The following GTSF1L variants were observed in gnomAD, a reference collection of about 807,000 sequenced individuals.
GTSF1L encodes gametocyte-specific factor 1-like.
Under a neutral mutation model 1.1 loss-of-function variants are expected in GTSF1L, and 1 was observed. The ratio of observed to expected loss-of-function variants is 0.90; its 90% CI spans 0.32 to 4.28. GTSF1L has a LOEUF of 4.28. GTSF1L is among the 30% of genes most tolerant of loss of function. The probability of loss-of-function intolerance (pLI) is 0.17; values close to 1 mark genes in which losing one functional copy is unlikely to be tolerated. For synonymous variants in GTSF1L, 62 were observed against 69.3 expected (o/e 0.89, Z 0.53); for missense variants, 169 against 181.9 (o/e 0.93, Z 0.41).
At position 43,726,253 on chromosome 20, in the gene GTSF1L, G is replaced by C. The variant is rs778074370; in HGVS notation, c.442C>G (p.Gln148Glu). 51 of 1,608,080 alleles carry C rather than the reference G, an allele frequency of 3.2e-5. No homozygotes were observed. Among genetic ancestry groups the C allele is most frequent in the Non-Finnish European group, 4.3e-5 (50 of 1,175,652 alleles). ...TSPQKILRPG[Q>E] is the part of the protein sequence containing the mutation. The stretch of plus-strand genomic sequence containing the variant: ...CTCCTTCCTCAGCTGGCAGTTTACT[G>C]TCCTGGTCTGAGGATCTTCTGGGGA... The change falls in exon 1 of 1, where the codon CAG (glutamine) becomes GAG (glutamate). Residue 148 changes from glutamine to glutamate, a missense_variant. Coordinates refer to ENST00000373003, the MANE Select transcript of GTSF1L (RefSeq NM_176791.4).
In GTSF1L at chr20:43,726,192, C is replaced by G; in HGVS notation, c.*56G>C. 8.0e-7 allele frequency: 1 copy of G among 1,243,654 alleles called. No individual in the cohort carries two copies. The highest frequency in any genetic ancestry group is 1.1e-6 in the Non-Finnish European group (1 of 876,074). 77.0% of individuals were successfully genotyped at this position (1,243,654 alleles called of 1,614,324 possible). A position where few individuals can be genotyped will look rare whatever the true frequency, so the allele number is the denominator to read the frequency against. On this transcript the variant is annotated 3_prime_UTR_variant, in exon 1 of 1. Transcript: ENST00000373003. ...ACTTTGCATGTCTTTTATTCTGATGCATTGCACGTTCTTCCATGCATTGAT... is the reference window on the plus strand; with the variant it reads ...ACTTTGCATGTCTTTTATTCTGATGGATTGCACGTTCTTCCATGCATTGAT...
rs148860791 is a variant in GTSF1L, at chr20:43,726,362, G to C, written c.333C>G (p.Cys111Trp). The change falls in exon 1 of 1, where the codon TGC becomes TGG. Residue 111 changes from cysteine to tryptophan, a missense_variant. Transcript: ENST00000373003. The stretch of plus-strand genomic sequence containing the variant: ...AAGTCTTAAGGACAAACACATGCTG[G>C]CAATTAGCGCCATCGACATTCCAGA... ...PDIWNVDGAN[C>W]QHVFVLKTFF... The C allele has an allele frequency of 4.9e-4, 795 of 1,614,094 alleles. 3 individuals are homozygous for C. Among genetic ancestry groups the C allele is most frequent in the Middle Eastern group, 2.6e-3 (16 of 6,062 alleles).
Position 43,726,417 on chromosome 20 carries a change from T to A in GTSF1L, c.278A>T (p.Gln93Leu). 6.2e-7 allele frequency: 1 copy of A among 1,614,034 alleles called. No individual in the cohort carries two copies. Among genetic ancestry groups the A allele is most frequent in the South Asian group, 1.1e-5 (1 of 91,074 alleles). Residue 93 changes from glutamine (Q) to leucine (L), a missense_variant, in exon 1 of 1, where the codon CAG (glutamine) becomes CTG (leucine). Transcript: ENST00000373003. Reference sequence around the variant, plus strand: ...GGGGCTGGGAAGGCAGGGTGAGACCTGCTGGGTGTCATCGTTCTGCTCTGA... The same window carrying A: ...GGGGCTGGGAAGGCAGGGTGAGACCAGCTGGGTGTCATCGTTCTGCTCTGA... ...PSSEQNDDTQ[Q>L]VSPCLPSPDI...
Position 43,726,666 on chromosome 20 carries a change from G to A in GTSF1L, c.29C>T (p.Pro10Leu), listed in dbSNP as rs2068185270. 4 of 1,590,848 alleles carry A rather than the reference G, an allele frequency of 2.5e-6. No individual in the cohort carries two copies. Among genetic ancestry groups the A allele is most frequent in the Non-Finnish European group, 3.4e-6 (4 of 1,169,120 alleles). ...TGGGATTCGGTGGTGAGGATCATAA[G>A]GGCAAATTTCAAAGGCTTCTGGCTC... MEPEAFEICPYDPHHRIPLS... is the reference protein window; with the variant it reads MEPEAFEICLYDPHHRIPLS... Residue 10 changes from proline (P) to leucine (L), a missense_variant, in exon 1 of 1, where the codon CCT becomes CTT. Pro to Leu is a moderately conservative substitution (Grantham distance 98). Coordinates refer to ENST00000373003, the MANE Select transcript of GTSF1L (RefSeq NM_176791.4).
chr20:43,726,559 TG>T lies in GTSF1L; in HGVS notation c.135del (p.Tyr45Ter). The T allele has an allele frequency of 6.2e-7, 1 of 1,614,002 alleles. No homozygotes were observed. Among genetic ancestry groups the T allele is most frequent in the Non-Finnish European group, 8.5e-7 (1 of 1,179,992 alleles). On this transcript the variant is annotated frameshift_variant, in exon 1 of 1. Coordinates refer to ENST00000373003, the MANE Select transcript of GTSF1L (RefSeq NM_176791.4). LOFTEE classifies it low-confidence loss of function (END_TRUNC). Reference sequence around the variant, plus strand: ...TTGATGGGGACCACGTGGCAGGCGTTGTATTTGCAGGTGGCCATCTTTTTGG... The same window carrying T: ...TTGATGGGGACCACGTGGCAGGCGTTTATTTGCAGGTGGCCATCTTTTTGG... ...KKAKKMATCK[Y>X]NACHVVPIKN...
Position 43,726,703 on chromosome 20 carries a change from C to G in GTSF1L, c.-9G>C. On this transcript the variant is annotated 5_prime_UTR_variant, in exon 1 of 1. Coordinates refer to ENST00000373003, the MANE Select transcript of GTSF1L (RefSeq NM_176791.4). ...AAGGCTTCTGGCTCCATGAGAAATT[C>G]TTGAAGCAGGGTATCTCACTGCTAG... 1 of 1,545,798 alleles carries G rather than the reference C, an allele frequency of 6.5e-7. No homozygotes were observed. Among genetic ancestry groups the G allele is most frequent in the Non-Finnish European group, 8.7e-7 (1 of 1,147,546 alleles).
chr20:43,726,567 C>G lies in GTSF1L; in HGVS notation c.128G>C (p.Cys43Ser), dbSNP rs762003145. The G allele has an allele frequency of 6.2e-7, 1 of 1,614,042 alleles. No individual in the cohort carries two copies. Among genetic ancestry groups the G allele is most frequent in the East Asian group, 2.2e-5 (1 of 44,876 alleles). Residue 43 changes from cysteine (C) to serine (S), a missense_variant, in exon 1 of 1, where the codon TGC becomes TCC. Physicochemically the swap from Cys to Ser is moderately radical, Grantham distance 112 (BLOSUM62 -1). Transcript: ENST00000373003. ...GACCACGTGGCAGGCGTTGTATTTG[C>G]AGGTGGCCATCTTTTTGGCTTTCTT... ...NPKKAKKMAT[C>S]KYNACHVVPI...
At position 43,726,889 on chromosome 20, in the gene GTSF1L, C is replaced by A; in HGVS notation, c.-195G>T. 1.9e-6 allele frequency: 1 copy of A among 531,568 alleles called. No individual in the cohort carries two copies. The highest frequency in any genetic ancestry group is 3.4e-6 in the Non-Finnish European group (1 of 294,350). The allele number at this position is 531,568 out of a possible 1,614,324, so 32.9% of individuals were successfully genotyped here. ...GGATTAGAAGAGAGATGAGGAGCTGCCAAAAGCAGCTACACAGAGAACAGA... is the reference window on the plus strand; with the variant it reads ...GGATTAGAAGAGAGATGAGGAGCTGACAAAAGCAGCTACACAGAGAACAGA... On this transcript the variant is annotated 5_prime_UTR_variant, in exon 1 of 1. Coordinates refer to ENST00000373003, the MANE Select transcript of GTSF1L (RefSeq NM_176791.4).
At position 43,726,671 on chromosome 20, in the gene GTSF1L, A is replaced by C; in HGVS notation, c.24T>G (p.Ile8Met). Residue 8 changes from isoleucine (I) to methionine (M), a missense_variant, in exon 1 of 1, where the codon ATT becomes ATG. By Grantham distance (10) the Ile-to-Met change is conservative. Coordinates refer to ENST00000373003, the MANE Select transcript of GTSF1L (RefSeq NM_176791.4). MEPEAFE[I>M]CPYDPHHRIP... is the part of the protein sequence containing the mutation. ...TTCGGTGGTGAGGATCATAAGGGCAAATTTCAAAGGCTTCTGGCTCCATGA... is the reference window on the plus strand; with the variant it reads ...TTCGGTGGTGAGGATCATAAGGGCACATTTCAAAGGCTTCTGGCTCCATGA... The C allele has an allele frequency of 6.3e-7, 1 of 1,584,972 alleles. No homozygotes were observed. The highest frequency in any genetic ancestry group is 8.6e-7 in the Non-Finnish European group (1 of 1,165,820).
Position 43,726,326 on chromosome 20 carries a change from T to C in GTSF1L, c.369A>G (p.Gln123=). Residue 123 remains glutamine (Q), a synonymous_variant, in exon 1 of 1, where the codon CAA becomes CAG. Coordinates refer to ENST00000373003, the MANE Select transcript of GTSF1L (RefSeq NM_176791.4). ...HVFVLKTFFP[Q]KVVCENDTKE... ...TCGTGTCATTTTCACAAACAACCTT[T>C]TGAGGAAAAAAAGTCTTAAGGACAA... 6 of 1,614,156 alleles carry C rather than the reference T, an allele frequency of 3.7e-6. No homozygotes were observed. The highest frequency in any genetic ancestry group is 5.1e-6 in the Non-Finnish European group (6 of 1,180,034).
chr20:43,726,520 G>A lies in GTSF1L; in HGVS notation c.175C>T (p.His59Tyr), dbSNP rs1159605504. The change falls in exon 1 of 1, where the codon CAT becomes TAT. Residue 59 changes from histidine to tyrosine, a missense_variant. His to Tyr is a moderately conservative substitution (Grantham distance 83). Transcript: ENST00000373003. ...CTCCTGTTGACACAAACAGCCTCAT[G>A]TTCCTCCAGATTTTTGATGGGGACC... Reference protein sequence around the residue: ...HVVPIKNLEEHEAVCVNRSAV... With the variant: ...HVVPIKNLEEYEAVCVNRSAV... 12 of 1,614,084 alleles carry A rather than the reference G, an allele frequency of 7.4e-6. No individual in the cohort carries two copies. Among genetic ancestry groups the A allele is most frequent in the Non-Finnish European group, 1.0e-5 (12 of 1,180,028 alleles).
rs1201567733 is a variant in GTSF1L, at chr20:43,726,803, C to T, written c.-109G>A. ...GAGTTGTCCTCTGCCCAGTTTTGGC[C>T]CTTGGGATTCTGTAGGTGACGGTCT... On this transcript the variant is annotated 5_prime_UTR_variant, in exon 1 of 1. Coordinates refer to ENST00000373003, the MANE Select transcript of GTSF1L (RefSeq NM_176791.4). 6 of 797,020 alleles carry T rather than the reference C, an allele frequency of 7.5e-6. No individual in the cohort carries two copies. In the East Asian group the frequency reaches 1.3e-4, roughly 17 times the overall value. The allele number at this position is 797,020 out of a possible 1,614,324, so 49.4% of individuals were successfully genotyped here.
chr20:43,726,407 G>A lies in GTSF1L; in HGVS notation c.288C>T (p.Pro96=), dbSNP rs759641183. The A allele has an allele frequency of 6.2e-7, 1 of 1,614,048 alleles. No homozygotes were observed. The highest frequency in any genetic ancestry group is 2.2e-5 in the East Asian group (1 of 44,856). The change falls in exon 1 of 1, where the codon CCC becomes CCT. Residue 96 remains proline, a synonymous_variant. Transcript: ENST00000373003. ...TCCAGATATCGGGGCTGGGAAGGCA[G>A]GGTGAGACCTGCTGGGTGTCATCGT... ...EQNDDTQQVS[P]CLPSPDIWNV... is the part of the protein sequence containing the mutation.
At position 43,726,528 on chromosome 20, in the gene GTSF1L, A is replaced by C; in HGVS notation, c.167T>G (p.Leu56Arg). 6.2e-7 allele frequency: 1 copy of C among 1,613,938 alleles called. No homozygotes were observed. Among genetic ancestry groups the C allele is most frequent in the Non-Finnish European group, 8.5e-7 (1 of 1,179,982 alleles). Residue 56 changes from leucine (L) to arginine (R), a missense_variant, in exon 1 of 1, where the codon CTG becomes CGG. By Grantham distance (102) the Leu-to-Arg change is moderately radical (BLOSUM62 -2). Transcript: ENST00000373003. ...NACHVVPIKN[L>R]EEHEAVCVNR... ...GACACAAACAGCCTCATGTTCCTCCAGATTTTTGATGGGGACCACGTGGCA... is the reference window on the plus strand; with the variant it reads ...GACACAAACAGCCTCATGTTCCTCCCGATTTTTGATGGGGACCACGTGGCA...
Position 43,726,175 on chromosome 20 carries a change from T to C in GTSF1L, c.*73A>G. 9.0e-7 allele frequency: 1 copy of C among 1,106,298 alleles called. No individual in the cohort carries two copies. Among genetic ancestry groups the C allele is most frequent in the Non-Finnish European group, 1.3e-6 (1 of 763,188 alleles). The allele number at this position is 1,106,298 out of a possible 1,614,324, so 68.5% of individuals were successfully genotyped here. On this transcript the variant is annotated 3_prime_UTR_variant, in exon 1 of 1. Coordinates refer to ENST00000373003, the MANE Select transcript of GTSF1L (RefSeq NM_176791.4). Reference sequence around the variant, plus strand: ...GTAGCCCAGGGTAGTTTACTTTGCATGTCTTTTATTCTGATGCATTGCACG... The same window carrying C: ...GTAGCCCAGGGTAGTTTACTTTGCACGTCTTTTATTCTGATGCATTGCACG...
Position 43,726,460 on chromosome 20 carries a change from T to G in GTSF1L, c.235A>C (p.Lys79Gln). ...VEEEDTENPL[K>Q]VSPPSSEQND... Reference sequence around the variant, plus strand: ...TGCTCTGAACTAGGAGGACTGACTTTCAGAGGGTTCTCGGTGTCCTCTTCT... The same window carrying G: ...TGCTCTGAACTAGGAGGACTGACTTGCAGAGGGTTCTCGGTGTCCTCTTCT... The change falls in exon 1 of 1, where the codon AAA becomes CAA. Residue 79 changes from lysine (K) to glutamine (Q), a missense_variant. Lys to Gln is a moderately conservative substitution (Grantham distance 53). Coordinates refer to ENST00000373003, the MANE Select transcript of GTSF1L (RefSeq NM_176791.4). 1.9e-6 allele frequency: 3 copies of G among 1,614,050 alleles called. No homozygotes were observed. The highest frequency in any genetic ancestry group is 2.5e-6 in the Non-Finnish European group (3 of 1,180,000).
At position 43,726,722 on chromosome 20, in the gene GTSF1L, C is replaced by G; in HGVS notation, c.-28G>C. 6.8e-7 allele frequency: 1 copy of G among 1,467,634 alleles called. No individual in the cohort carries two copies. Among genetic ancestry groups the G allele is most frequent in the Non-Finnish European group, 9.2e-7 (1 of 1,083,674 alleles). 90.9% of individuals were successfully genotyped at this position (1,467,634 alleles called of 1,614,324 possible). Reference sequence around the variant, plus strand: ...GAAATTCTTGAAGCAGGGTATCTCACTGCTAGAGTCTAACGGAAATGCTTC... The same window carrying G: ...GAAATTCTTGAAGCAGGGTATCTCAGTGCTAGAGTCTAACGGAAATGCTTC... On this transcript the variant is annotated 5_prime_UTR_variant, in exon 1 of 1. Coordinates refer to ENST00000373003, the MANE Select transcript of GTSF1L (RefSeq NM_176791.4).
Position 43,726,758 on chromosome 20 carries a change from G to A in GTSF1L, c.-64C>T. On this transcript the variant is annotated 5_prime_UTR_variant, in exon 1 of 1. Transcript: ENST00000373003. Reference sequence around the variant, plus strand: ...TAACGGAAATGCTTCTTGTGGAGAAGCCCTTTTGTAAGAAGGATGGAGTTG... The same window carrying A: ...TAACGGAAATGCTTCTTGTGGAGAAACCCTTTTGTAAGAAGGATGGAGTTG... The A allele has an allele frequency of 1.6e-6, 2 of 1,270,270 alleles. No individual in the cohort carries two copies. The highest frequency in any genetic ancestry group is 2.3e-5 in the East Asian group (1 of 43,062). The allele number at this position is 1,270,270 out of a possible 1,614,324, so 78.7% of individuals were successfully genotyped here.
In GTSF1L at chr20:43,726,209, T is replaced by C. The variant is rs2068178771; in HGVS notation, c.*39A>G. The stretch of plus-strand genomic sequence containing the variant: ...TTCTGATGCATTGCACGTTCTTCCA[T>C]GCATTGATGAGGCGTGTGCTCCTTC... On this transcript the variant is annotated 3_prime_UTR_variant, in exon 1 of 1. Transcript: ENST00000373003. The C allele has an allele frequency of 1.4e-6, 2 of 1,421,204 alleles. No individual in the cohort carries two copies. The highest frequency in any genetic ancestry group is 9.7e-7 in the Non-Finnish European group (1 of 1,026,540). The allele number at this position is 1,421,204 out of a possible 1,614,324, so 88.0% of individuals were successfully genotyped here. A position where few individuals can be genotyped will look rare whatever the true frequency, so the allele number is the denominator to read the frequency against.
Sources: allele counts gnomAD v4.1 joint callset, GRCh38; gene constraint gnomAD v4.1.1; transcripts MANE v1.5; gene names NCBI Gene and HGNC (gene_info 2026-07-23, HGNC 2026-07-21).